Variants in LRGUK observed in about 807,000 individuals in gnomAD.
LRGUK encodes leucine-rich repeat and guanylate kinase domain-containing protein.
In LRGUK, 65 loss-of-function variants were observed where a neutral mutation model predicts 76.0. The observed-to-expected ratio is 0.85, with a 90% CI of 0.70 to 1.05. The LOEUF (loss-of-function observed/expected upper bound fraction) is 1.05. Among genes scored for constraint, LRGUK ranks in the 50% least tolerant of loss-of-function variants. The pLI is 0.00. For synonymous variants in LRGUK, 268 were observed against 265.6 expected (o/e 1.01, Z -0.09); for missense variants, 758 against 732.8 (o/e 1.03, Z -0.40).
chr7:134,204,297 GA>G (rs1234721038), intron 15 of LRGUK, among the ~76,000 whole-genome samples: 1 of 152,200 alleles, frequency 6.6e-6, no homozygotes, highest in Non-Finnish European at 1.5e-5. Flanking sequence ...TGTGTGCATA[GA>G]AAAATAGACT....
At chr7:134,228,337 C>G (rs927165092) in intron 16 of LRGUK, among the ~76,000 whole-genome samples, 1 of 151,948 alleles carries the variant, frequency 6.6e-6, no homozygotes, top group African/African-American at 2.4e-5. Context: ...TGAAAGGGAA[C>G]AGTAGAGAAT....
At chr7:134,248,858 G>A (rs555078371) in intron 17 of LRGUK, 93 bp from the exon 18 acceptor site, 112 of 1,034,448 alleles carry the variant, frequency 1.1e-4, no homozygotes, top group East Asian at 3.5e-4. Context: ...TGGCATTTGC[G>A]TTTATCTGGG....
the LRGUK span, among the ~76,000 whole-genome samples, chr7:134,270,609 C>T: frequency 5.0e-4 from 76 of 152,156 alleles, 2 homozygotes; most frequent in South Asian, 0.015. Flanking sequence ...TGTTGTTCTC[C>T]ATGAGTCAAA....
chr7:134,198,818 T>C (rs1800627278), intron 13 of LRGUK, among the ~76,000 whole-genome samples: 1 of 152,176 alleles, frequency 6.6e-6, no homozygotes, highest in Non-Finnish European at 1.5e-5. Context: ...AGAAGAGCCT[T>C]TTCTCCCTGG....
chr7:134,184,245 G>A (rs1799884479), intron 11 of LRGUK, among the ~76,000 whole-genome samples: 1 of 152,002 alleles, frequency 6.6e-6, no homozygotes, highest in Admixed American at 6.6e-5. Context: ...CCATATAGCA[G>A]GAAGAAACAA....
At chr7:134,228,391 T>C (rs1466071810) in intron 16 of LRGUK, among the ~76,000 whole-genome samples, 1 of 152,074 alleles carries the variant, frequency 6.6e-6, no homozygotes, top group African/African-American at 2.4e-5. Context: ...GAGAGTGTCA[T>C]AGATAGAGAA....
At chr7:134,207,285 C>T (rs1801049143) in intron 15 of LRGUK, among the ~76,000 whole-genome samples, 2 of 152,102 alleles carry the variant, frequency 1.3e-5, no homozygotes, top group Non-Finnish European at 2.9e-5. Flanking sequence ...GTCATTACCC[C>T]AAACAGAAAC....
At position 134,255,936 on chromosome 7, in the gene LRGUK, T is replaced by G. The variant is rs1802567424; in HGVS notation, c.2199-2321T>G. ...GGAGGTCAAGAGCACGGTCTATAAA[T>G]ACTTCAATCAGCCACCATCTGGTCC... is the stretch of plus-strand genomic sequence containing the variant. On this transcript the variant is annotated intron_variant, in intron 18 of 19. Coordinates refer to the LRGUK transcript ENST00000285928. Among the ~76,000 whole-genome samples, 8 of 152,168 alleles carry G rather than the reference T, an allele frequency of 5.3e-5. No homozygotes were observed. In the South Asian group the frequency reaches 1.7e-3, roughly 32 times the overall value.
At chr7:134,209,757 C>G in exon 16 of LRGUK, 2 of 399,890 alleles carry the variant, frequency 5.0e-6, no homozygotes, top group Non-Finnish European at 8.8e-6. Flanking sequence ...AATCTGAGCC[C>G]CCAGGCAGCC....
At chr7:134,164,947 T>C (rs1798907375) in intron 7 of LRGUK, among the ~76,000 whole-genome samples, 1 of 152,192 alleles carries the variant, frequency 6.6e-6, no homozygotes, top group Admixed American at 6.5e-5. Flanking sequence ...GTACCACGTG[T>C]CTTAGGAAGT....
chr7:134,200,620 G>C (rs1212453233), intron 14 of LRGUK, among the ~76,000 whole-genome samples: 1 of 152,128 alleles, frequency 6.6e-6, no homozygotes, highest in African/African-American at 2.4e-5. Flanking sequence ...GACATTAGTT[G>C]AACCATATGA....
intron 3 of LRGUK, 106 bp downstream of exon 3, chr7:134,139,623 T>A: frequency 1.4e-6 from 1 of 691,850 alleles, no homozygotes; most frequent in South Asian, 2.1e-5. Context: ...CTAATTTGTG[T>A]ATCAATTTAC....
intron 14 of LRGUK, 49 bp downstream of exon 14, chr7:134,199,470 A>T (rs765191473): frequency 1.3e-6 from 2 of 1,511,934 alleles, no homozygotes; most frequent in Non-Finnish European, 1.8e-6. Flanking sequence ...AGATTACTGA[A>T]TTAAAAGTTT....
chr7:134,258,487 C>G, intron 19 of LRGUK, 82 bp downstream of exon 19: 1 of 1,357,860 alleles, frequency 7.4e-7, no homozygotes. Flanking sequence ...CTCCTGACGT[C>G]AGGAGTTCGA....
At chr7:134,164,565 C>T (rs11982100) in intron 7 of LRGUK, among the ~76,000 whole-genome samples, 20,063 of 152,140 alleles carry the variant, frequency 0.13, 1,676 homozygotes, top group East Asian at 0.32. Context: ...TTATTTATAT[C>T]GAATACTTTA....
At chr7:134,198,836 T>G (rs1018921161) in intron 13 of LRGUK, among the ~76,000 whole-genome samples, 6 of 152,216 alleles carry the variant, frequency 3.9e-5, no homozygotes, top group Non-Finnish European at 1.5e-5. Flanking sequence ...TGGTAAGATC[T>G]CTATCTCCTG....
Position 134,158,095 on chromosome 7 carries a change from TG to T in LRGUK, c.733del (p.Ala245ProfsTer11). The T allele has an allele frequency of 1.9e-6, 3 of 1,613,320 alleles. No homozygotes were observed. The highest frequency in any genetic ancestry group is 2.5e-6 in the Non-Finnish European group (3 of 1,179,458). ...TGCAACAACCTAATTCACCTTAGTT[TG>T]GCCAACAATAAGATCACGACAATTA... On this transcript the variant is annotated frameshift_variant, in exon 6 of 16. Coordinates refer to ENST00000645682, the Ensembl canonical transcript of LRGUK. LOFTEE classifies it high-confidence loss of function.
At chr7:134,160,422 T>G (rs17167534) in intron 6 of LRGUK, among the ~76,000 whole-genome samples, 19,732 of 152,176 alleles carry the variant, frequency 0.13, 1,619 homozygotes, top group East Asian at 0.32. Flanking sequence ...AATTTTTTGA[T>G]AATAGAAAGG....
chr7:134,140,338 C>A lies in LRGUK; in HGVS notation c.487+821C>A, dbSNP rs78672274. Among the ~76,000 whole-genome samples the A allele has an allele frequency of 2.9e-3, 439 of 152,250 alleles. 1 individual carries two copies. The highest frequency in any genetic ancestry group is 4.9e-3 in the Non-Finnish European group (332 of 68,006). On this transcript the variant is annotated intron_variant, in intron 3 of 15. Transcript: ENST00000645682. Reference sequence around the variant, plus strand: ...ATTGAGCACCAGGGATTCACAAATACATATTTTTCATTCTTTTTTGCTGTC... The same window carrying A: ...ATTGAGCACCAGGGATTCACAAATAAATATTTTTCATTCTTTTTTGCTGTC...
Sources: gnomAD v4.1 joint callset for allele counts (sites outside exome capture counted in the v4.1 genomes callset) on GRCh38, gnomAD v4.1.1 for gene constraint, MANE v1.5 for transcripts, NCBI Gene and HGNC (gene_info 2026-07-23, HGNC 2026-07-21) for gene names.